The following GRID1 variants were observed in gnomAD, a reference collection of about 807,000 sequenced individuals.
GRID1 encodes the protein glutamate ionotropic receptor delta type subunit 1.
A neutral mutation model predicts 98.0 loss-of-function variants in GRID1; 28 were observed. That is an observed-to-expected ratio of 0.29 (90% CI 0.21 to 0.39). The LOEUF (loss-of-function observed/expected upper bound fraction) is 0.39. Ranked by LOEUF, GRID1 falls within the 10% of genes least tolerant of loss-of-function variation. The pLI is 1.00. For missense variants in GRID1, 1,111 were observed against 1,340.5 expected, an observed-to-expected ratio of 0.83 and a Z score of 2.67; for synonymous variants, 553 against 538.5, an observed-to-expected ratio of 1.03 and a Z score of -0.37.
intron 3 of GRID1, among the ~76,000 whole-genome samples, chr10:86,188,192 A>G (rs988596710): frequency 2.6e-5 from 4 of 152,252 alleles, no homozygotes; most frequent in Admixed American, 2.6e-4. Context: ...AGATAAGTTA[A>G]TTCAAAGGTG....
chr10:86,243,111 G>C (rs1269138265), intron 2 of GRID1, among the ~76,000 whole-genome samples: 1 of 152,178 alleles, frequency 6.6e-6, no homozygotes, highest in Non-Finnish European at 1.5e-5. Context: ...AATTCTCAGT[G>C]CTGCTGCTGC....
chr10:86,340,469 G>A lies in GRID1; in HGVS notation c.235+23472C>T, dbSNP rs536980006. On this transcript the variant is annotated intron_variant, in intron 2 of 15. Transcript: ENST00000327946. ...AGGATGCAGGGCACAGAGGGAGAGAGAGCCCACAATTCCCCTCCTCTGAGG... is the reference window on the plus strand; with the variant it reads ...AGGATGCAGGGCACAGAGGGAGAGAAAGCCCACAATTCCCCTCCTCTGAGG... Among the ~76,000 whole-genome samples, 226 of 152,272 alleles carry A rather than the reference G, an allele frequency of 1.5e-3. 3 individuals carry two copies. Among genetic ancestry groups the A allele is most frequent in the African/African-American group, 5.0e-3 (208 of 41,546 alleles).
chr10:85,650,875 G>A (rs1843259485), intron 12 of GRID1, among the ~76,000 whole-genome samples: 1 of 152,194 alleles, frequency 6.6e-6, no homozygotes, highest in African/African-American at 2.4e-5. Context: ...TGTAGGTGAT[G>A]GAATTTGACA....
At chr10:86,301,646 G>A (rs190039965) in intron 2 of GRID1, among the ~76,000 whole-genome samples, 6 of 152,304 alleles carry the variant, frequency 3.9e-5, no homozygotes, top group South Asian at 2.1e-4. Context: ...CCCAAGGCCC[G>A]AGAATGAGAA....
Position 85,613,511 on chromosome 10 carries a change from C to T in GRID1, c.2497G>A (p.Gly833Arg), listed in dbSNP as rs1412191145. ...GKSLKLHSFA[G>R]VFCILAIGLL... ...CCAATGGCCAGGATGCAGAAGACCC[C>T]GGCGAAGCTGTGCAGCTTGAGGGAT... The change falls in exon 15 of 16, where the codon GGG (glycine) becomes AGG (arginine). Residue 833 changes from glycine (G) to arginine (R), a missense_variant. Transcript: ENST00000327946. 7 of 1,614,188 alleles carry T rather than the reference C, an allele frequency of 4.3e-6. No individual in the cohort carries two copies. Among genetic ancestry groups the T allele is most frequent in the Admixed American group, 1.7e-5 (1 of 60,032 alleles).
At chr10:86,033,720 T>C (rs572570363) in intron 4 of GRID1, among the ~76,000 whole-genome samples, 16 of 152,300 alleles carry the variant, frequency 1.1e-4, no homozygotes, top group African/African-American at 2.9e-4. Context: ...CCAGCAAGAA[T>C]GTCAGCTCTC....
chr10:86,084,350 G>A (rs1044675877), intron 4 of GRID1, among the ~76,000 whole-genome samples: 1 of 152,086 alleles, frequency 6.6e-6, no homozygotes, highest in Admixed American at 6.6e-5. Flanking sequence ...GAGAGGAAGA[G>A]AGGAAGGGAG....
At chr10:85,913,023 A>G (rs1247382359) in intron 5 of GRID1, among the ~76,000 whole-genome samples, 2 of 152,208 alleles carry the variant, frequency 1.3e-5, no homozygotes, top group African/African-American at 2.4e-5. Flanking sequence ...CTGGATCCTA[A>G]GGATAAGCCT....
At chr10:86,056,328 G>A (rs1398674972) in intron 4 of GRID1, among the ~76,000 whole-genome samples, 1 of 152,190 alleles carries the variant, frequency 6.6e-6, no homozygotes, top group Non-Finnish European at 1.5e-5. Flanking sequence ...GTATAGAAAG[G>A]CAAAAGAAAT....
chr10:85,649,178 C>G (rs960882979), intron 12 of GRID1, among the ~76,000 whole-genome samples: 2 of 152,064 alleles, frequency 1.3e-5, no homozygotes, highest in African/African-American at 4.8e-5. Context: ...CATCCACTGC[C>G]CTGGACCAAC....
At chr10:86,033,193 T>C (rs1269345596) in intron 4 of GRID1, among the ~76,000 whole-genome samples, 1 of 151,970 alleles carries the variant, frequency 6.6e-6, no homozygotes, top group Non-Finnish European at 1.5e-5. Flanking sequence ...ATCACTGTCC[T>C]GAGTCAAGCA....
chr10:85,977,772 TC>T (rs2131859118), intron 4 of GRID1, among the ~76,000 whole-genome samples: 1 of 152,282 alleles, frequency 6.6e-6, no homozygotes, highest in Non-Finnish European at 1.5e-5. Flanking sequence ...TACGTGGCAG[TC>T]ACTAGCCAGT....
chr10:85,839,776 C>G (rs1055694091), intron 8 of GRID1, among the ~76,000 whole-genome samples: 1 of 151,716 alleles, frequency 6.6e-6, no homozygotes, highest in Non-Finnish European at 1.5e-5. Context: ...AAAATCAAAG[C>G]TAAACTGAAG....
intron 8 of GRID1, among the ~76,000 whole-genome samples, chr10:85,781,380 A>G (rs953159815): frequency 6.6e-6 from 1 of 152,248 alleles, no homozygotes; most frequent in Non-Finnish European, 1.5e-5. Flanking sequence ...AAGCATGATT[A>G]GCTCCATCAG....
intron 4 of GRID1, among the ~76,000 whole-genome samples, chr10:86,075,601 A>G (rs868767716): frequency 2.0e-5 from 3 of 152,114 alleles, no homozygotes; most frequent in Admixed American, 6.5e-5. Context: ...GCCCTAGCAA[A>G]CTATCCCACA....
intron 4 of GRID1, among the ~76,000 whole-genome samples, chr10:86,028,398 C>A (rs1843143362): frequency 6.6e-6 from 1 of 152,328 alleles, no homozygotes; most frequent in Non-Finnish European, 1.5e-5. Flanking sequence ...GCCAGGGTCA[C>A]TGGTATGGAC....
chr10:86,100,077 C>T (rs750366925), intron 4 of GRID1, among the ~76,000 whole-genome samples: 13 of 152,156 alleles, frequency 8.5e-5, no homozygotes, highest in Non-Finnish European at 1.9e-4. Context: ...AGCTTCAGGG[C>T]AAAGAGACCC....
intron 4 of GRID1, among the ~76,000 whole-genome samples, chr10:86,103,158 C>T (rs1438635203): frequency 6.6e-6 from 1 of 152,084 alleles, no homozygotes; most frequent in Admixed American, 6.5e-5. Flanking sequence ...AGCAAGAGGA[C>T]AAAGTCAGCA....
intron 2 of GRID1, among the ~76,000 whole-genome samples, chr10:86,296,530 G>C (rs1902691): frequency 0.73 from 111,100 of 152,052 alleles, 43,810 homozygotes; most frequent in Non-Finnish European, 0.87. Flanking sequence ...CTTGAGATCA[G>C]GAGTTCAAGA....
Sources: gnomAD v4.1 joint callset for allele counts (sites outside exome capture counted in the v4.1 genomes callset) on GRCh38, gnomAD v4.1.1 for gene constraint, MANE v1.5 for transcripts, NCBI Gene and HGNC (gene_info 2026-07-23, HGNC 2026-07-21) for gene names.